Variants in GPI observed in about 807,000 individuals in gnomAD.
The protein encoded by GPI is glucose-6-phosphate isomerase, also known as D-hexose-6-phosphate anomerase.
In GPI, 56 loss-of-function variants were observed where a neutral mutation model predicts 75.8. The observed-to-expected ratio is 0.74, with a 90% CI of 0.60 to 0.92. The LOEUF is 0.92. Among genes scored for constraint, GPI ranks in the 40% least tolerant of loss-of-function variants. GPI has a pLI of 0.00. For synonymous variants in GPI, 288 were observed against 285.4 expected (o/e 1.01, Z -0.09); for missense variants, 638 against 741.0 (o/e 0.86, Z 1.61).
chr19:34,365,774 A>G lies in GPI; in HGVS notation c.122+386A>G, dbSNP rs138971170. ...TGTCCCTTTCCATCCGCTCCTGGCCACATGAGCTTGGGAGCGTCTGCAGGG... is the reference window on the plus strand; with the variant it reads ...TGTCCCTTTCCATCCGCTCCTGGCCGCATGAGCTTGGGAGCGTCTGCAGGG... On this transcript the variant is annotated intron_variant, in intron 1 of 17. Transcript: ENST00000356487. 9.6e-5 allele frequency: 46 copies of G among 477,074 alleles called. No individual in the cohort carries two copies. The East Asian group carries it at 2.7e-3, about 28-fold the overall frequency. The allele number at this position is 477,074 out of a possible 1,614,324, so 29.6% of individuals were successfully genotyped here.
At position 34,366,826 on chromosome 19, in the gene GPI, A is replaced by G. The variant is rs370578920; in HGVS notation, c.257A>G (p.Asn86Ser). The G allele has an allele frequency of 3.1e-6, 5 of 1,613,622 alleles. No homozygotes were observed. Among genetic ancestry groups the G allele is most frequent in the Non-Finnish European group, 4.2e-6 (5 of 1,179,752 alleles). ...GVEAARERMFNGEKINYTEGR... is the reference protein window; with the variant it reads ...GVEAARERMFSGEKINYTEGR... ...GAGGCCGCCCGGGAGCGGATGTTCA[A>G]TGGTGAGAAGATCAACTACACCGAG... is the stretch of plus-strand genomic sequence containing the variant. Residue 86 changes from asparagine to serine, a missense_variant, in exon 3 of 18, where the codon AAT (asparagine) becomes AGT (serine). By Grantham distance (46) the Asn-to-Ser change is conservative. Transcript: ENST00000356487.
rs1020474156 is a variant in GPI at position 34,399,101 on chromosome 19, T to G, written c.1270-106T>G. 7 of 1,057,788 alleles carry G rather than the reference T, an allele frequency of 6.6e-6. No homozygotes were observed. In the African/African-American group the frequency reaches 7.8e-5, roughly 12 times the overall value. The allele number at this position is 1,057,788 out of a possible 1,614,324, so 65.5% of individuals were successfully genotyped here. The stretch of plus-strand genomic sequence containing the variant: ...CGCTCCAACTGAGCTGTACAGCGAG[T>G]GACCCAGGCTGGGACTGACCCCTGC... On this transcript the variant is annotated intron_variant, in intron 14 of 17. Transcript: ENST00000356487.
At chr19:34,368,383 T>C (rs1162017147) in intron 3 of GPI, among the ~76,000 whole-genome samples, 200 bp from the exon 4 acceptor site, 1 of 152,262 alleles carries the variant, frequency 6.6e-6, no homozygotes, top group Non-Finnish European at 1.5e-5. Flanking sequence ...CCTGACTGTC[T>C]GCAGCACATA....
At chr19:34,387,910 G>A (rs1006080443) in intron 9 of GPI, among the ~76,000 whole-genome samples, 2 of 152,160 alleles carry the variant, frequency 1.3e-5, no homozygotes, top group South Asian at 2.1e-4. Flanking sequence ...GAGACCTTCG[G>A]TGGTAGGGTC....
chr19:34,366,973 G>A (rs772152191), intron 3 of GPI, 122 bp downstream of exon 3: 2 of 792,960 alleles, frequency 2.5e-6, no homozygotes, highest in South Asian at 2.8e-5. Context: ...CTTAATGAGG[G>A]GCCTGAAGGC....
Position 34,366,383 on chromosome 19 carries a change from A to G in GPI, c.161A>G (p.Asp54Gly). ...LNTNHGHILV[D>G]YSKNLVTEDV... ...ACCAACCATGGGCATATCCTGGTGG[A>G]TTACTCCAAGAACCTGGTGACGGAG... Residue 54 changes from aspartate to glycine, a missense_variant, in exon 2 of 18, where the codon GAT (aspartate) becomes GGT (glycine). Asp to Gly is a moderately conservative substitution (Grantham distance 94). Transcript: ENST00000356487. 1 of 1,613,706 alleles carries G rather than the reference A, an allele frequency of 6.2e-7. No individual in the cohort carries two copies. The highest frequency in any genetic ancestry group is 8.5e-7 in the Non-Finnish European group (1 of 1,179,596).
At chr19:34,383,241 A>T (rs1211951585) in intron 9 of GPI, among the ~76,000 whole-genome samples, 1 of 152,238 alleles carries the variant, frequency 6.6e-6, no homozygotes, top group East Asian at 1.9e-4. Context: ...GGCCTGAAGC[A>T]GAGCCAGAGC....
At chr19:34,375,444 G>A (rs1426076656) in intron 4 of GPI, among the ~76,000 whole-genome samples, 1 of 152,058 alleles carries the variant, frequency 6.6e-6, no homozygotes, top group African/African-American at 2.4e-5. Flanking sequence ...CACCATGCCC[G>A]GCCTAGCAGT....
At chr19:34,399,461 C>T in intron 15 of GPI, 95 bp from the exon 16 acceptor site, 3 of 1,557,950 alleles carry the variant, frequency 1.9e-6, no homozygotes, top group East Asian at 2.2e-5. Flanking sequence ...TCCTCACAGA[C>T]CTGCACGTCT....
At chr19:34,366,947 T>C (rs2074376423) in intron 3 of GPI, 96 bp downstream of exon 3, 2 of 952,330 alleles carry the variant, frequency 2.1e-6, no homozygotes, top group South Asian at 1.3e-5. Context: ...ACCCCTTCTC[T>C]TGGGCAATGC....
chr19:34,368,770 T>G, intron 4 of GPI, 68 bp downstream of exon 4: 1 of 1,577,978 alleles, frequency 6.3e-7, no homozygotes. Context: ...CTGGGAGCCC[T>G]AAGGGGCAGC....
intron 4 of GPI, among the ~76,000 whole-genome samples, chr19:34,370,870 A>G (rs1357831532): frequency 2.6e-5 from 4 of 152,178 alleles, no homozygotes; most frequent in African/African-American, 9.7e-5. Flanking sequence ...CTGAGCTGAG[A>G]TTGTGCCACT....
chr19:34,360,121 T>G (rs2074293442), upstream of GPI, among the ~76,000 whole-genome samples: 1 of 152,158 alleles, frequency 6.6e-6, no homozygotes, highest in Admixed American at 6.6e-5. Context: ...TCTTGGAATT[T>G]CTGGGCTAGG....
intron 4 of GPI, among the ~76,000 whole-genome samples, chr19:34,371,686 TA>T (rs945590932): frequency 2.7e-5 from 4 of 149,088 alleles, no homozygotes; most frequent in African/African-American, 4.9e-5. Context: ...CCATCTCTAC[TA>T]AAAAAAAATA....
At chr19:34,370,193 A>G (rs749312793) in intron 4 of GPI, among the ~76,000 whole-genome samples, 3 of 152,132 alleles carry the variant, frequency 2.0e-5, no homozygotes, top group Admixed American at 6.5e-5. Context: ...TCCCCACATC[A>G]AGCACTTGCC....
At chr19:34,365,872 A>G in intron 1 of GPI, 1 of 470,782 alleles carries the variant, frequency 2.1e-6, no homozygotes, top group East Asian at 6.6e-5. Flanking sequence ...TTCCTGCAGA[A>G]GACACCTGTG....
chr19:34,393,832 T>C lies in GPI; in HGVS notation c.909+61T>C. 1.9e-6 allele frequency: 3 copies of C among 1,603,008 alleles called. No homozygotes were observed. The highest frequency in any genetic ancestry group is 8.5e-7 in the Non-Finnish European group (1 of 1,171,330). On this transcript the variant is annotated intron_variant, in intron 11 of 17. Coordinates refer to ENST00000356487, the MANE Select transcript of GPI (RefSeq NM_000175.5). The surrounding 1 kb of genome is among the most constrained non-coding windows in gnomAD (Gnocchi z 4.4). ...CCAGAGGCGCGTGTGTTGGTCCTGG[T>C]CCCCCGCTTTCTCCCCCACTGTCCT... is the stretch of plus-strand genomic sequence containing the variant.
chr19:34,370,003 T>G lies in GPI; in HGVS notation c.402+1301T>G, dbSNP rs62122223. Among the ~76,000 whole-genome samples the G allele has an allele frequency of 6.5e-3, 985 of 152,352 alleles. 9 individuals carry two copies. Among genetic ancestry groups the G allele is most frequent in the Non-Finnish European group, 9.4e-3 (640 of 68,034 alleles). ...GTGCACATACACATCTGTCATCTCCTCTTTGAAACACGTACACATGTGCAC... is the reference window on the plus strand; with the variant it reads ...GTGCACATACACATCTGTCATCTCCGCTTTGAAACACGTACACATGTGCAC... On this transcript the variant is annotated intron_variant, in intron 4 of 17. Transcript: ENST00000356487.
At chr19:34,380,057 C>T (rs1056114481) in intron 8 of GPI, among the ~76,000 whole-genome samples, 6 of 128,274 alleles carry the variant, frequency 4.7e-5, no homozygotes, top group Non-Finnish European at 7.7e-5. Context: ...AGTGCAGTGG[C>T]GTGATCTTGG....
Sources: allele counts gnomAD v4.1 joint callset (sites outside exome capture counted in the v4.1 genomes callset), GRCh38; gene constraint gnomAD v4.1.1; non-coding constraint Gnocchi (gnomAD v3.1); transcripts MANE v1.5; gene names NCBI Gene and HGNC (gene_info 2026-07-23, HGNC 2026-07-21).